The following GMDS variants were observed in gnomAD, a reference collection of about 807,000 sequenced individuals.
GMDS encodes GDP-mannose 4,6-dehydratase, also known as GDP-mannose 4,6 dehydratase.
A neutral mutation model predicts 49.9 loss-of-function variants in GMDS; 20 were observed. The observed-to-expected ratio is 0.40, with a 90% CI of 0.28 to 0.58. GMDS has a LOEUF of 0.58. Among genes scored for constraint, GMDS ranks in the 20% least tolerant of loss-of-function variants. The pLI, the probability that GMDS is intolerant of heterozygous loss-of-function variation, is 0.42. For synonymous variants in GMDS, 177 were observed against 178.6 expected (o/e 0.99, Z 0.07); for missense variants, 362 against 481.4 (o/e 0.75, Z 2.32).
rs1270626478 is a variant in GMDS, at chr6:1,929,028, A to G, written c.771+1075T>C. ...AGATCTAAATGTTGCACTATTCAAA[A>G]TCTAAAGTCAAAGCTAATTATTTTG... On this transcript the variant is annotated intron_variant, in intron 7 of 10. Transcript: ENST00000380815. Among the ~76,000 whole-genome samples the G allele has an allele frequency of 2.0e-5, 3 of 152,260 alleles. No individual in the cohort carries two copies. In the East Asian group the frequency reaches 5.8e-4, roughly 29 times the overall value.
intron 9 of GMDS, among the ~76,000 whole-genome samples, chr6:1,664,254 C>G (rs370769467): frequency 1.3e-5 from 2 of 152,184 alleles, no homozygotes; most frequent in East Asian, 3.9e-4. Context: ...TTGTGTCAGC[C>G]TTCAGTCAAA....
intron 7 of GMDS, among the ~76,000 whole-genome samples, chr6:1,864,970 T>C (rs913442341): frequency 6.6e-6 from 1 of 152,216 alleles, no homozygotes. Context: ...TTGCAAAACA[T>C]AGTACAGAAG....
chr6:2,094,696 A>G (rs1269767291), intron 4 of GMDS, among the ~76,000 whole-genome samples: 2 of 152,200 alleles, frequency 1.3e-5, no homozygotes, highest in Admixed American at 1.3e-4. Flanking sequence ...CAGAGACTGG[A>G]AAGAAGCAGA....
intron 4 of GMDS, among the ~76,000 whole-genome samples, chr6:2,058,704 G>A (rs1166086889): frequency 6.6e-6 from 1 of 152,188 alleles, no homozygotes; most frequent in African/African-American, 2.4e-5. Context: ...GATCAACGGA[G>A]TCAAGACAGA....
intron 4 of GMDS, among the ~76,000 whole-genome samples, chr6:2,083,827 T>C (rs868797537): frequency 4.6e-5 from 7 of 152,238 alleles, no homozygotes; most frequent in African/African-American, 1.7e-4. Context: ...CTGACAGATA[T>C]ACTCAAGTGG....
intron 2 of GMDS, among the ~76,000 whole-genome samples, chr6:2,122,707 T>G (rs1775207964): frequency 6.6e-6 from 1 of 152,204 alleles, no homozygotes; most frequent in Non-Finnish European, 1.5e-5. Flanking sequence ...TTGAATACAG[T>G]AAGGATAAAC....
intron 4 of GMDS, among the ~76,000 whole-genome samples, chr6:2,066,485 G>C (rs1490354149): frequency 2.0e-5 from 3 of 151,474 alleles, no homozygotes; most frequent in Non-Finnish European, 4.4e-5. Flanking sequence ...ATTGGATAAA[G>C]AGTCAAGACC....
chr6:1,648,090 A>G (rs895956363), intron 9 of GMDS, among the ~76,000 whole-genome samples: 3 of 152,172 alleles, frequency 2.0e-5, no homozygotes, highest in African/African-American at 7.2e-5. Context: ...GACTCAAAAT[A>G]TATCTCTTGA....
At chr6:1,767,738 T>A (rs1208369957) in intron 7 of GMDS, among the ~76,000 whole-genome samples, 1 of 152,194 alleles carries the variant, frequency 6.6e-6, no homozygotes, top group African/African-American at 2.4e-5. Context: ...TGAATCTCTC[T>A]CTGGAGAGGT....
At chr6:2,086,756 T>A (rs1773038459) in intron 4 of GMDS, among the ~76,000 whole-genome samples, 1 of 152,240 alleles carries the variant, frequency 6.6e-6, no homozygotes, top group African/African-American at 2.4e-5. Flanking sequence ...GAGGTGATAG[T>A]ATGCCTTTCC....
chr6:2,163,534 G>A (rs563505961), intron 1 of GMDS, among the ~76,000 whole-genome samples: 3 of 152,292 alleles, frequency 2.0e-5, no homozygotes, highest in African/African-American at 7.2e-5. Flanking sequence ...AGACCCAGGA[G>A]AGCCAATGGT....
intron 4 of GMDS, among the ~76,000 whole-genome samples, chr6:1,963,946 T>C (rs1764114491): frequency 6.6e-6 from 1 of 152,142 alleles, no homozygotes; most frequent in South Asian, 2.1e-4. Flanking sequence ...ATGGAGGTGC[T>C]AAAAGCCACA....
intron 8 of GMDS, among the ~76,000 whole-genome samples, chr6:1,729,600 C>T (rs879632481): frequency 6.6e-6 from 1 of 152,200 alleles, no homozygotes; most frequent in East Asian, 1.9e-4. Context: ...ACATGAAACA[C>T]TTGTATTAAC....
intron 7 of GMDS, among the ~76,000 whole-genome samples, chr6:1,776,127 G>A (rs1263266790): frequency 6.6e-6 from 1 of 152,068 alleles, no homozygotes; most frequent in Non-Finnish European, 1.5e-5. Context: ...AGCCGTGACC[G>A]TTCAGAATCC....
rs1173518369 is a variant in GMDS at position 2,175,874 on chromosome 6, T to C, written c.103-51143A>G. 4 of 879,736 alleles carry C rather than the reference T, an allele frequency of 4.5e-6. No homozygotes were observed. The Admixed American group carries it at 6.0e-5, about 13-fold the overall frequency. The allele number at this position is 879,736 out of a possible 1,614,324, so 54.5% of individuals were successfully genotyped here. A position where few individuals can be genotyped will look rare whatever the true frequency, so the allele number is the denominator to read the frequency against. ...GTTCATGAACCCACATAAACAGCCC[T>C]ATCAGGCTTGTGGCACTATGATTAG... On this transcript the variant is annotated intron_variant, in intron 1 of 10. Coordinates refer to ENST00000380815, the MANE Select transcript of GMDS (RefSeq NM_001500.4).
chr6:2,116,843 C>A (rs1161456448), intron 3 of GMDS, among the ~76,000 whole-genome samples: 1 of 152,182 alleles, frequency 6.6e-6, no homozygotes, highest in Non-Finnish European at 1.5e-5. Flanking sequence ...AAACTCATAA[C>A]CTCTCTGTCT....
intron 4 of GMDS, among the ~76,000 whole-genome samples, chr6:1,973,635 C>A (rs1042059906): frequency 5.9e-5 from 9 of 152,116 alleles, no homozygotes; most frequent in African/African-American, 2.2e-4. Flanking sequence ...CAGTAAACAA[C>A]ATACAGTCTT....
At chr6:1,685,159 G>C (rs1764931340) in intron 9 of GMDS, among the ~76,000 whole-genome samples, 3 of 152,270 alleles carry the variant, frequency 2.0e-5, no homozygotes, top group Non-Finnish European at 4.4e-5. Context: ...CACTTTGGGA[G>C]GCCGAGGTGG....
chr6:1,898,306 TAA>T (rs1760323237), intron 7 of GMDS, among the ~76,000 whole-genome samples: 2 of 152,186 alleles, frequency 1.3e-5, no homozygotes, highest in Admixed American at 1.3e-4. Flanking sequence ...ACCTTCTAAA[TAA>T]AATTATTTGG....
Sources: allele counts gnomAD v4.1 joint callset (sites outside exome capture counted in the v4.1 genomes callset), GRCh38; gene constraint gnomAD v4.1.1; transcripts MANE v1.5; gene names NCBI Gene and HGNC (gene_info 2026-07-23, HGNC 2026-07-21).